Variants in DCAF1 observed in about 807,000 individuals in gnomAD.
The protein encoded by DCAF1 is DDB1 and CUL4 associated factor 1.
Under a neutral mutation model 128.0 loss-of-function variants are expected in DCAF1, and 15 were observed. The ratio of observed to expected loss-of-function variants is 0.12; its 90% CI spans 0.08 to 0.18. The LOEUF is 0.18. Among genes scored for constraint, DCAF1 ranks in the 10% least tolerant of loss-of-function variants. DCAF1 has a pLI of 1.00. For missense variants in DCAF1, 988 were observed against 1,649.5 expected, an observed-to-expected ratio of 0.60 and a Z score of 6.95; for synonymous variants, 610 against 603.0, an observed-to-expected ratio of 1.01 and a Z score of -0.17.
chr3:51,490,077 C>T (rs1338177741), intron 2 of DCAF1, among the ~76,000 whole-genome samples: 1 of 152,012 alleles, frequency 6.6e-6, no homozygotes, highest in Non-Finnish European at 1.5e-5. Flanking sequence ...ATTTCATTTA[C>T]AATAGCACCA....
rs149626107 is a variant in DCAF1 at position 51,471,166 on chromosome 3, G to C, written c.111-161C>G. On this transcript the variant is annotated intron_variant, in intron 3 of 24. Coordinates refer to ENST00000684031, the MANE Select transcript of DCAF1 (RefSeq NM_001387579.1). ...AAATCTACACAATTATCTCATAAAA[G>C]AGTTTCCTCTCCCAAACTCATTCTT... is the stretch of plus-strand genomic sequence containing the variant. Among the ~76,000 whole-genome samples, 251 of 151,312 alleles carry C rather than the reference G, an allele frequency of 1.7e-3. 2 individuals carry two copies. Among genetic ancestry groups the C allele is most frequent in the African/African-American group, 5.8e-3 (239 of 41,328 alleles).
At chr3:51,404,970 G>A (rs1395585092) in intron 23 of DCAF1, among the ~76,000 whole-genome samples, 1 of 152,226 alleles carries the variant, frequency 6.6e-6, no homozygotes, top group Non-Finnish European at 1.5e-5. Flanking sequence ...TGGGAAAGGA[G>A]AGCGGGGTCA....
At chr3:51,444,918 G>A (rs897197323) in intron 6 of DCAF1, among the ~76,000 whole-genome samples, 8 of 151,574 alleles carry the variant, frequency 5.3e-5, no homozygotes, top group Non-Finnish European at 7.4e-5. Flanking sequence ...CTCGTGATCC[G>A]CCCCCCTTGG....
intron 2 of DCAF1, among the ~76,000 whole-genome samples, chr3:51,488,907 G>A (rs1054247340): frequency 1.3e-5 from 2 of 152,180 alleles, no homozygotes; most frequent in African/African-American, 4.8e-5. Context: ...GGAGGTTGCA[G>A]TAAGCCAAGA....
chr3:51,431,881 G>A (rs1159407879), intron 10 of DCAF1, among the ~76,000 whole-genome samples: 7 of 152,032 alleles, frequency 4.6e-5, no homozygotes, highest in South Asian at 2.1e-4. Context: ...TGAAGTGGGA[G>A]GATGGCTTGA....
At chr3:51,502,204 C>T (rs1553664510), upstream of DCAF1, among the ~76,000 whole-genome samples, 2 of 152,142 alleles carry the variant, frequency 1.3e-5, no homozygotes, top group Non-Finnish European at 2.9e-5. Flanking sequence ...GCGCTCCTGG[C>T]ACTGCCTCAG....
rs555221699 is a variant in DCAF1, at chr3:51,482,719, C to T, written c.110+1000G>A. ...GGCGGAGGTTGCAGTGAGCCGAGATCGTGCCATTGCACTCCAGCCCAGGAG... is the reference window on the plus strand; with the variant it reads ...GGCGGAGGTTGCAGTGAGCCGAGATTGTGCCATTGCACTCCAGCCCAGGAG... On this transcript the variant is annotated intron_variant, in intron 3 of 24. Transcript: ENST00000684031. Among the ~76,000 whole-genome samples, 4 of 137,824 alleles carry T rather than the reference C, an allele frequency of 2.9e-5. No homozygotes were observed. In the South Asian group the frequency reaches 9.2e-4, roughly 32 times the overall value. The allele number at this position is 137,824 out of a possible 152,430, so 90.4% of individuals were successfully genotyped here.
At chr3:51,469,223 T>TTA (rs1332791400) in intron 4 of DCAF1, among the ~76,000 whole-genome samples, 2 of 136,988 alleles carry the variant, frequency 1.5e-5, no homozygotes, top group East Asian at 4.5e-4. Flanking sequence ...ACACACAAAT[T>TTA]TTTTTTTTTT....
intron 3 of DCAF1, among the ~76,000 whole-genome samples, chr3:51,483,137 A>AT (rs1382038038): frequency 8.3e-5 from 6 of 72,190 alleles, no homozygotes; most frequent in Non-Finnish European, 1.8e-4. Flanking sequence ...AAAACTCCGT[A>AT]TGAAAAAAAA....
At chr3:51,446,993 T>TAATAATAATAATAAAAAA (rs1457860366) in intron 6 of DCAF1, among the ~76,000 whole-genome samples, 1 of 147,542 alleles carries the variant, frequency 6.8e-6, no homozygotes, top group Non-Finnish European at 1.5e-5. Flanking sequence ...ATAATAATAA[T>TAATAATAATAATAAAAAA]AATAATAAAA....
intron 3 of DCAF1, among the ~76,000 whole-genome samples, chr3:51,478,421 A>G (rs782270928): frequency 5.3e-5 from 8 of 152,178 alleles, no homozygotes; most frequent in African/African-American, 9.7e-5. Flanking sequence ...ATAAAATATG[A>G]TAATGTAAAA....
rs148845400 is a variant in DCAF1, at chr3:51,481,281, T to C, written c.110+2438A>G. Among the ~76,000 whole-genome samples the C allele has an allele frequency of 1.1e-4, 17 of 152,302 alleles. No homozygotes were observed. The East Asian group carries it at 3.3e-3, about 29-fold the overall frequency. ...GGTATGAATGAAGGTAGGAAAATCCTATTTGTGTATGAGAAAAAGGAATCT... is the reference window on the plus strand; with the variant it reads ...GGTATGAATGAAGGTAGGAAAATCCCATTTGTGTATGAGAAAAAGGAATCT... On this transcript the variant is annotated intron_variant, in intron 3 of 24. Coordinates refer to ENST00000684031, the MANE Select transcript of DCAF1 (RefSeq NM_001387579.1).
intron 3 of DCAF1, among the ~76,000 whole-genome samples, chr3:51,474,319 C>G (rs1372232184): frequency 6.6e-6 from 1 of 152,126 alleles, no homozygotes; most frequent in Non-Finnish European, 1.5e-5. Context: ...ACTCGGGAGG[C>G]TGAGGCAGGA....
At chr3:51,429,170 C>G in intron 12 of DCAF1, 91 bp downstream of exon 12, 1 of 695,598 alleles carries the variant, frequency 1.4e-6, no homozygotes. Context: ...GGACATAGCA[C>G]AGAGTCCACT....
At chr3:51,486,193 CTTTTTTTTTT>C (rs35273248) in intron 2 of DCAF1, among the ~76,000 whole-genome samples, 3 of 113,358 alleles carry the variant, frequency 2.6e-5, no homozygotes, top group Non-Finnish European at 5.5e-5. Flanking sequence ...CCGGCAGATT[CTTTTTTTTTT>C]TTTTTTTTTT....
intron 16 of DCAF1, 84 bp from the exon 17 acceptor site, chr3:51,418,282 T>C (rs1315459301): frequency 6.6e-7 from 1 of 1,515,984 alleles, no homozygotes; most frequent in Admixed American, 2.4e-5. Context: ...TTTTAAAGAT[T>C]TGCATAAAAA....
chr3:51,488,294 CAAGAA>C (rs1286254171), intron 2 of DCAF1, among the ~76,000 whole-genome samples: 2 of 152,148 alleles, frequency 1.3e-5, no homozygotes, highest in Non-Finnish European at 2.9e-5. Context: ...AAAGATATCA[CAAGAA>C]AAGAAAGCTA....
rs142866946 is a variant in DCAF1, at chr3:51,472,785, C to T, written c.111-1780G>A. Reference sequence around the variant, plus strand: ...GTTCAAGCGATTCTGCTGCCTCAGCCTCTTGAGTAGCTGGAATTACAGGCA... The same window carrying T: ...GTTCAAGCGATTCTGCTGCCTCAGCTTCTTGAGTAGCTGGAATTACAGGCA... On this transcript the variant is annotated intron_variant, in intron 3 of 24. Coordinates refer to ENST00000684031, the MANE Select transcript of DCAF1 (RefSeq NM_001387579.1). Among the ~76,000 whole-genome samples, 1,029 of 151,944 alleles carry T rather than the reference C, an allele frequency of 6.8e-3. 7 individuals carry two copies. The highest frequency in any genetic ancestry group is 0.023 in the African/African-American group (960 of 41,472).
intron 22 of DCAF1, 104 bp from the exon 23 acceptor site, chr3:51,412,584 A>C (rs781827552): frequency 1.3e-6 from 2 of 1,535,066 alleles, no homozygotes; most frequent in Non-Finnish European, 1.7e-6. Flanking sequence ...TGTAATTATT[A>C]AAGCTTCTGA....
Sources: allele counts gnomAD v4.1 joint callset (sites outside exome capture counted in the v4.1 genomes callset), GRCh38; gene constraint gnomAD v4.1.1; transcripts MANE v1.5; gene names NCBI Gene and HGNC (gene_info 2026-07-23, HGNC 2026-07-21).